Variants in TRABD2A observed in about 807,000 individuals in gnomAD.
The protein encoded by TRABD2A is metalloprotease TIKI1.
Under a neutral mutation model 45.6 loss-of-function variants are expected in TRABD2A, and 43 were observed. The observed-to-expected ratio is 0.94, with a 90% CI of 0.74 to 1.22. The LOEUF (loss-of-function observed/expected upper bound fraction) is 1.22. TRABD2A is among the 50% of genes most tolerant of loss of function. The probability of loss-of-function intolerance (pLI) is 0.00; values close to 1 mark genes in which losing one functional copy is unlikely to be tolerated. For missense variants in TRABD2A, 642 were observed against 652.4 expected (o/e 0.98, Z 0.17); for synonymous variants, 269 against 265.0 (o/e 1.02, Z -0.15).
intron 2 of TRABD2A, among the ~76,000 whole-genome samples, chr2:84,856,584 T>C (rs943014557): frequency 6.6e-6 from 1 of 152,108 alleles, no homozygotes; most frequent in Non-Finnish European, 1.5e-5. Flanking sequence ...GACATTTTAA[T>C]CTGAAGAAGT....
intron 2 of TRABD2A, among the ~76,000 whole-genome samples, chr2:84,855,251 C>T (rs1427284200): frequency 1.3e-5 from 2 of 152,010 alleles, no homozygotes; most frequent in Admixed American, 1.3e-4. Flanking sequence ...TCAAGAAGGG[C>T]AAGATACAGG....
rs111567421 is a variant in TRABD2A at position 84,866,682 on chromosome 2, CT to C, written c.669+3542del. 5.5e-3 allele frequency among the ~76,000 whole-genome samples: 763 copies of C among 139,382 alleles called. 1 individual carries two copies. Among genetic ancestry groups the C allele is most frequent in the African/African-American group, 4.3e-3 (166 of 38,998 alleles). The allele number at this position is 139,382 out of a possible 152,430, so 91.4% of individuals were successfully genotyped here. A position where few individuals can be genotyped will look rare whatever the true frequency, so the allele number is the denominator to read the frequency against. ...TTATGAAGTGCTTTCCAATTTCCTGCTTTTTTTTTTTTTTTTGCTTCTGACA... is the reference window on the plus strand; with the variant it reads ...TTATGAAGTGCTTTCCAATTTCCTGCTTTTTTTTTTTTTTTGCTTCTGACA... On this transcript the variant is annotated intron_variant, in intron 2 of 6. Coordinates refer to ENST00000409520, the MANE Select transcript of TRABD2A (RefSeq NM_001277053.2).
chr2:84,832,269 T>C, intron 4 of TRABD2A, 124 bp from the exon 5 acceptor site: 1 of 965,944 alleles, frequency 1.0e-6, no homozygotes, highest in Non-Finnish European at 1.6e-6. Flanking sequence ...TCCAGCACAG[T>C]ACAGTTCTAG....
chr2:84,845,206 C>T lies in TRABD2A; in HGVS notation c.670-3199G>A, dbSNP rs1179193831. On this transcript the variant is annotated intron_variant, in intron 2 of 6. Transcript: ENST00000409520. ...TCTCTACTAAAAATACAAAAATTAGCCAGGCATGGTGGCAGGTGCCTGTAA... is the reference window on the plus strand; with the variant it reads ...TCTCTACTAAAAATACAAAAATTAGTCAGGCATGGTGGCAGGTGCCTGTAA... 3.3e-5 allele frequency among the ~76,000 whole-genome samples: 5 copies of T among 152,106 alleles called. No individual in the cohort carries two copies. The South Asian group carries it at 6.2e-4, about 19-fold the overall frequency.
At chr2:84,848,375 T>C (rs6745284) in intron 2 of TRABD2A, among the ~76,000 whole-genome samples, 6,380 of 79,512 alleles carry the variant, frequency 0.08, 158 homozygotes, top group African/African-American at 0.16. Flanking sequence ...GATAGATAGA[T>C]AGACAGACAG....
At chr2:84,880,593 C>T (rs926647551) in intron 1 of TRABD2A, among the ~76,000 whole-genome samples, 4 of 152,240 alleles carry the variant, frequency 2.6e-5, no homozygotes, top group Non-Finnish European at 4.4e-5. Context: ...AATAAATGTG[C>T]CCAAGTTCCT....
chr2:84,852,120 G>A (rs896306430), intron 2 of TRABD2A, among the ~76,000 whole-genome samples: 2 of 152,142 alleles, frequency 1.3e-5, no homozygotes, highest in African/African-American at 2.4e-5. Context: ...GGACACCAAC[G>A]TAACCTCCAC....
chr2:84,858,619 G>C (rs1440573227), intron 2 of TRABD2A, among the ~76,000 whole-genome samples: 1 of 152,176 alleles, frequency 6.6e-6, no homozygotes, highest in African/African-American at 2.4e-5. Flanking sequence ...CCCACCACAG[G>C]GATGTCTGTC....
Position 84,822,088 on chromosome 2 carries a change from C to T in TRABD2A, c.1347G>A (p.Pro449=), listed in dbSNP as rs952866153. ...WVRLEESDIV[P]QLQVPVLDRH... ...TGTCCAGGACAGGGACCTGGAGTTG[C>T]GGGACTATGTCACTAGGAGGCAAAG... The change falls in exon 7 of 7, where the codon CCG becomes CCA. Residue 449 remains proline, a synonymous_variant. Transcript: ENST00000409520. 11 of 1,575,392 alleles carry T rather than the reference C, an allele frequency of 7.0e-6. No homozygotes were observed. The highest frequency in any genetic ancestry group is 5.5e-5 in the Admixed American group (3 of 54,528).
chr2:84,829,894 C>A (rs1203800201), intron 5 of TRABD2A, among the ~76,000 whole-genome samples: 1 of 150,426 alleles, frequency 6.6e-6, no homozygotes, highest in Non-Finnish European at 1.5e-5. Flanking sequence ...CACACATACA[C>A]CCCACACATA....
intron 3 of TRABD2A, 67 bp downstream of exon 3, chr2:84,841,794 G>T: frequency 7.0e-7 from 1 of 1,420,656 alleles, no homozygotes; most frequent in Non-Finnish European, 9.3e-7. Context: ...TGTACATGTT[G>T]CCAGGTAATG....
chr2:84,853,680 G>A (rs1221797651), intron 2 of TRABD2A, among the ~76,000 whole-genome samples: 1 of 152,200 alleles, frequency 6.6e-6, no homozygotes, highest in African/African-American at 2.4e-5. Context: ...TGGAAGGGGG[G>A]ATTCTCCTCT....
At chr2:84,854,706 C>A (rs898311090) in intron 2 of TRABD2A, among the ~76,000 whole-genome samples, 1 of 152,186 alleles carries the variant, frequency 6.6e-6, no homozygotes, top group African/African-American at 2.4e-5. Flanking sequence ...CAGACCCATG[C>A]AACTCTAAGG....
At chr2:84,838,357 A>G (rs1445450570) in intron 4 of TRABD2A, 1 of 653,442 alleles carries the variant, frequency 1.5e-6, no homozygotes, top group Admixed American at 2.5e-5. Context: ...CAAGCCTTTA[A>G]TTAATTTCCA....
chr2:84,865,669 C>T (rs1296944485), intron 2 of TRABD2A, among the ~76,000 whole-genome samples: 3 of 152,220 alleles, frequency 2.0e-5, no homozygotes, highest in East Asian at 3.8e-4. Flanking sequence ...CCCACCACGA[C>T]GTCCGATCAC....
At chr2:84,828,079 AG>A (rs1013515702) in intron 5 of TRABD2A, among the ~76,000 whole-genome samples, 1 of 152,222 alleles carries the variant, frequency 6.6e-6, no homozygotes, top group African/African-American at 2.4e-5. Context: ...CAGGGGGAGA[AG>A]GGAGGAACTG....
intron 5 of TRABD2A, among the ~76,000 whole-genome samples, chr2:84,829,079 G>A (rs1483446614): frequency 6.6e-6 from 1 of 152,134 alleles, no homozygotes; most frequent in Non-Finnish European, 1.5e-5. Context: ...CTGGTTAATA[G>A]TGTGGCCTTT....
Position 84,823,954 on chromosome 2 carries a change from TCTC to T in TRABD2A, c.1330_1332del (p.Glu444del). 1 of 1,613,532 alleles carries T rather than the reference TCTC, an allele frequency of 6.2e-7. No homozygotes were observed. Among genetic ancestry groups the T allele is most frequent in the Non-Finnish European group, 8.5e-7 (1 of 1,179,856 alleles). ...CCCGACCCAGCCTACTCGCCTGACC[TCTC>T]CTCCAGGCGGACCCACAGATCGCTG... is the stretch of plus-strand genomic sequence containing the variant. On this transcript the variant is annotated inframe_deletion and splice_region_variant, in exon 6 of 7. Coordinates refer to ENST00000409520, the MANE Select transcript of TRABD2A (RefSeq NM_001277053.2).
intron 6 of TRABD2A, among the ~76,000 whole-genome samples, chr2:84,822,810 A>AT (rs1681035633): frequency 6.6e-6 from 1 of 152,214 alleles, no homozygotes; most frequent in African/African-American, 2.4e-5. Context: ...ATCACACAGC[A>AT]TATCACATAT....
Sources: gnomAD v4.1 joint callset for allele counts (sites outside exome capture counted in the v4.1 genomes callset) on GRCh38, gnomAD v4.1.1 for gene constraint, MANE v1.5 for transcripts, NCBI Gene and HGNC (gene_info 2026-07-23, HGNC 2026-07-21) for gene names.